IL1RAPL2: variants seen among roughly 807,000 people sequenced by gnomAD.
IL1RAPL2 encodes X-linked interleukin-1 receptor accessory protein-like 2.
Under a neutral mutation model 44.1 loss-of-function variants are expected in IL1RAPL2, and 3 were observed. That is an observed-to-expected ratio of 0.07 (90% CI 0.03 to 0.18). The LOEUF (loss-of-function observed/expected upper bound fraction) is 0.18, where lower values mean the gene tolerates loss of function less well. IL1RAPL2 is among the 10% of genes least tolerant of loss of function. The pLI is 1.00. For synonymous variants in IL1RAPL2, 181 were observed against 178.8 expected (o/e 1.01, Z -0.10); for missense variants, 391 against 496.4 (o/e 0.79, Z 2.02).
At chrX:104,840,949 CA>C (rs1327065937) in intron 2 of IL1RAPL2, among the ~76,000 whole-genome samples, 5 of 110,833 alleles carry the variant, frequency 4.5e-5, no homozygotes, top group Non-Finnish European at 9.4e-5. Context: ...CTCAGCCTCC[CA>C]AAGTGCTGGG....
intron 2 of IL1RAPL2, among the ~76,000 whole-genome samples, chrX:104,887,932 C>G (rs1305780033): frequency 3.6e-5 from 4 of 111,363 alleles, no homozygotes; most frequent in African/African-American, 1.3e-4. Flanking sequence ...CTTACCCGAG[C>G]CTTAGAACTG....
intron 2 of IL1RAPL2, among the ~76,000 whole-genome samples, chrX:105,116,006 CG>C (rs1359634988): frequency 1.8e-5 from 2 of 113,304 alleles, no homozygotes; most frequent in Admixed American, 9.2e-5. Flanking sequence ...GCTCTGAGTG[CG>C]GGGCCGCTGA....
chrX:105,481,502 G>A (rs1014875932), intron 5 of IL1RAPL2, among the ~76,000 whole-genome samples: 1 of 112,039 alleles, frequency 8.9e-6, no homozygotes, highest in African/African-American at 3.2e-5. Context: ...AGTCCATGGC[G>A]GAAGATAAGG....
chrX:105,399,944 A>G lies in IL1RAPL2; in HGVS notation c.698-84369A>G, dbSNP rs758650456. Among the ~76,000 whole-genome samples the G allele has an allele frequency of 5.9e-3, 656 of 110,906 alleles. 10 individuals carry two copies. The highest frequency in any genetic ancestry group is 0.02 in the African/African-American group (616 of 30,554). ...CTAATTTAGGAGGAAGTGATACTTA[A>G]TCTGGGATCTGAAAGACAATTAGCA... On this transcript the variant is annotated intron_variant, in intron 5 of 10. Transcript: ENST00000372582.
chrX:105,718,818 T>C (rs1362713928), intron 7 of IL1RAPL2, among the ~76,000 whole-genome samples: 3 of 111,132 alleles, frequency 2.7e-5, no homozygotes, highest in African/African-American at 9.8e-5. Context: ...CATCGTGCTA[T>C]GTGCCTGTAG....
chrX:105,358,037 TAAA>T (rs774626399), intron 5 of IL1RAPL2, among the ~76,000 whole-genome samples: 2,582 of 40,797 alleles, frequency 0.063, 131 homozygotes, highest in African/African-American at 0.18. Context: ...ATCCTATTTC[TAAA>T]AAAAAAAAAA....
intron 2 of IL1RAPL2, among the ~76,000 whole-genome samples, chrX:105,041,921 C>T (rs977277142): frequency 8.1e-5 from 9 of 110,499 alleles, no homozygotes; most frequent in Admixed American, 2.9e-4. Flanking sequence ...GAAATAACGC[C>T]GCATATCTAC....
In IL1RAPL2 at chrX:105,335,058, A is replaced by G. The variant is rs139905839; in HGVS notation, c.697+67517A>G. ...TGGTAGAGTAAAGCCTAAAGGTACA[A>G]TCTTCTAAACCTGTGACTGCTCAGG... is the stretch of plus-strand genomic sequence containing the variant. On this transcript the variant is annotated intron_variant, in intron 5 of 10. Coordinates refer to ENST00000372582, the MANE Select transcript of IL1RAPL2 (RefSeq NM_017416.2). Among the ~76,000 whole-genome samples the G allele has an allele frequency of 7.7e-3, 854 of 111,245 alleles. 19 individuals are homozygous for G. The highest frequency in any genetic ancestry group is 0.071 in the East Asian group (247 of 3,500).
At chrX:105,444,081 C>T (rs1255397394) in intron 5 of IL1RAPL2, among the ~76,000 whole-genome samples, 1 of 111,787 alleles carries the variant, frequency 8.9e-6, no homozygotes, top group Non-Finnish European at 1.9e-5. Flanking sequence ...ATTTGCATAT[C>T]TCTGATGATC....
At chrX:104,682,928 T>C (rs1930914167) in intron 2 of IL1RAPL2, among the ~76,000 whole-genome samples, 1 of 111,661 alleles carries the variant, frequency 9.0e-6, no homozygotes, top group Non-Finnish European at 1.9e-5. Flanking sequence ...ATGTTTGGAA[T>C]TTGAACCAAA....
At chrX:105,334,974 C>T (rs1406116542) in intron 5 of IL1RAPL2, among the ~76,000 whole-genome samples, 1 of 111,040 alleles carries the variant, frequency 9.0e-6, no homozygotes, top group African/African-American at 3.3e-5. Context: ...CATATTTCAG[C>T]AAGGTAACTT....
At chrX:105,605,485 G>T (rs2037286646) in intron 6 of IL1RAPL2, among the ~76,000 whole-genome samples, 1 of 111,575 alleles carries the variant, frequency 9.0e-6, no homozygotes, top group South Asian at 3.6e-4. Flanking sequence ...TATATTCATG[G>T]AATTAGAAGA....
In IL1RAPL2 at chrX:104,670,260, G is replaced by C. The variant is rs1471126480; in HGVS notation, c.82+11265G>C. Among the ~76,000 whole-genome samples, 4 of 111,628 alleles carry C rather than the reference G, an allele frequency of 3.6e-5. No individual in the cohort carries two copies. In the East Asian group the frequency reaches 1.1e-3, roughly 32 times the overall value. On this transcript the variant is annotated intron_variant, in intron 2 of 10. Transcript: ENST00000372582. ...CAGCAAATCACTGGTGTAAGTCCAAGAGTGCAAAGTCCAAAGAACCTGGAG... is the reference window on the plus strand; with the variant it reads ...CAGCAAATCACTGGTGTAAGTCCAACAGTGCAAAGTCCAAAGAACCTGGAG...
intron 6 of IL1RAPL2, among the ~76,000 whole-genome samples, chrX:105,634,612 T>C (rs1307059481): frequency 1.8e-5 from 2 of 111,556 alleles, no homozygotes; most frequent in Non-Finnish European, 3.8e-5. Flanking sequence ...CCTCATATTC[T>C]AATAGTTGGA....
chrX:105,034,465 C>T (rs1311454218), intron 2 of IL1RAPL2, among the ~76,000 whole-genome samples: 3 of 112,427 alleles, frequency 2.7e-5, no homozygotes, highest in Non-Finnish European at 5.6e-5. Context: ...AGCTGCAGGT[C>T]TGTTGGAGTT....
intron 5 of IL1RAPL2, among the ~76,000 whole-genome samples, chrX:105,300,209 G>T (rs2034686112): frequency 9.0e-6 from 1 of 111,536 alleles, no homozygotes; most frequent in Non-Finnish European, 1.9e-5. Context: ...AAAAATACGT[G>T]AGACTAGATA....
At chrX:105,517,923 T>G (rs1379204060) in intron 6 of IL1RAPL2, among the ~76,000 whole-genome samples, 2 of 111,291 alleles carry the variant, frequency 1.8e-5, no homozygotes, top group Non-Finnish European at 3.8e-5. Context: ...GACAGATAGA[T>G]AGCAAAGAAC....
intron 5 of IL1RAPL2, among the ~76,000 whole-genome samples, chrX:105,390,623 C>G (rs906867330): frequency 1.7e-4 from 19 of 109,828 alleles, no homozygotes; most frequent in African/African-American, 5.6e-4. Flanking sequence ...AGAGATATTG[C>G]TTTATAACAT....
intron 6 of IL1RAPL2, among the ~76,000 whole-genome samples, chrX:105,629,823 G>C (rs1302550958): frequency 9.0e-6 from 1 of 111,626 alleles, no homozygotes; most frequent in Admixed American, 9.5e-5. Context: ...TGATGTAGTG[G>C]ACTTTGGAGT....
Sources: allele counts gnomAD v4.1 joint callset (sites outside exome capture counted in the v4.1 genomes callset), GRCh38; gene constraint gnomAD v4.1.1; transcripts MANE v1.5; gene names NCBI Gene and HGNC (gene_info 2026-07-23, HGNC 2026-07-21).